HSP90AA1: variants seen among roughly 807,000 people sequenced by gnomAD.
HSP90AA1 encodes heat shock protein HSP 90-alpha.
HSP90AA1 carries 18 observed loss-of-function variants against 73.3 expected under a neutral mutation model. The observed-to-expected ratio is 0.25, with a 90% CI of 0.17 to 0.36. The LOEUF is 0.36. HSP90AA1 is among the 10% of genes least tolerant of loss of function. HSP90AA1 has a pLI of 1.00. For synonymous variants in HSP90AA1, 477 were observed against 296.9 expected (o/e 1.61, Z -6.24); for missense variants, 704 against 874.2 (o/e 0.81, Z 2.45).
chr14:102,084,329 A>C, intron 6 of HSP90AA1, 70 bp downstream of exon 6: 1 of 1,430,604 alleles, frequency 7.0e-7, no homozygotes, highest in Non-Finnish European at 9.9e-7. Flanking sequence ...TATAGGTGTG[A>C]GCCACCATGC....
At chr14:102,085,052 A>G in intron 4 of HSP90AA1, 54 bp from the exon 5 acceptor site, 1 of 1,613,140 alleles carries the variant, frequency 6.2e-7, no homozygotes, top group Non-Finnish European at 8.5e-7. Flanking sequence ...ACTAAGCGAC[A>G]GCGCTGCACC....
chr14:102,087,024 C>G lies in HSP90AA1; in HGVS notation c.-39G>C. The G allele has an allele frequency of 1.0e-6, 1 of 985,454 alleles. No homozygotes were observed. Among genetic ancestry groups the G allele is most frequent in the Non-Finnish European group, 1.2e-6 (1 of 830,142 alleles). The allele number at this position is 985,454 out of a possible 1,614,324, so 61.0% of individuals were successfully genotyped here. On this transcript the variant is annotated 5_prime_UTR_variant, in exon 1 of 11. Transcript: ENST00000216281. ...CCGCACAGGACCAACGGCACAGCCA[C>G]ACCGGGACGCTGAAGCAACTGACGC...
chr14:102,122,690 C>CA (rs903990842), intron 1 of HSP90AA1, among the ~76,000 whole-genome samples: 37 of 151,788 alleles, frequency 2.4e-4, no homozygotes, highest in African/African-American at 8.2e-4. Flanking sequence ...TTTTTTGAGA[C>CA]AGAGTCTCAC....
At chr14:102,136,583 A>AG (rs1230489805) in intron 1 of HSP90AA1, among the ~76,000 whole-genome samples, 1 of 122,908 alleles carries the variant, frequency 8.1e-6, no homozygotes, top group Non-Finnish European at 1.7e-5. Flanking sequence ...AAAAAAAAAA[A>AG]AAAAAAAGAA....
intron 8 of HSP90AA1, 111 bp from the exon 9 acceptor site, chr14:102,083,413 G>T: frequency 7.0e-7 from 1 of 1,433,402 alleles, no homozygotes; most frequent in Non-Finnish European, 9.8e-7. Flanking sequence ...GACAGAAAAT[G>T]ACCTAGTTCA....
chr14:102,096,902 C>T (rs2049432318), intron 2 of HSP90AA1, among the ~76,000 whole-genome samples: 1 of 152,130 alleles, frequency 6.6e-6, no homozygotes, highest in Non-Finnish European at 1.5e-5. Flanking sequence ...GTATAGATCA[C>T]CATCATTAAT....
At position 102,082,283 on chromosome 14, in the gene HSP90AA1, G is replaced by C; in HGVS notation, c.1917C>G (p.Asp639Glu). 2 of 1,613,934 alleles carry C rather than the reference G, an allele frequency of 1.2e-6. No homozygotes were observed. The highest frequency in any genetic ancestry group is 1.7e-6 in the Non-Finnish European group (2 of 1,179,850). Residue 639 changes from aspartate (D) to glutamate (E), a missense_variant, in exon 10 of 11, where the codon GAC becomes GAG. Physicochemically the swap from Asp to Glu is conservative, Grantham distance 45 (BLOSUM62 2). Coordinates refer to ENST00000216281, the MANE Select transcript of HSP90AA1 (RefSeq NM_005348.4). ...AAKKHLEINPDHSIIETLRQK... is the reference protein window; with the variant it reads ...AAKKHLEINPEHSIIETLRQK... ...GCCTTAAGGTCTCAATAATGGAATG[G>C]TCAGGGTTTATCTCCAGGTGTTTCT...
intron 1 of HSP90AA1, among the ~76,000 whole-genome samples, chr14:102,124,255 G>A (rs141274885): frequency 0.013 from 1,770 of 134,722 alleles, 39 homozygotes; most frequent in African/African-American, 0.046. Context: ...ACAATGGCAC[G>A]ATCTGGGCTC....
intron 2 of HSP90AA1, among the ~76,000 whole-genome samples, chr14:102,097,019 G>T (rs367656037): frequency 6.6e-6 from 1 of 151,692 alleles, no homozygotes; most frequent in African/African-American, 2.4e-5. Flanking sequence ...ACACAGTCTC[G>T]CTCTGTCGCC....
At chr14:102,119,243 G>A (rs1405829976) in intron 1 of HSP90AA1, among the ~76,000 whole-genome samples, 1 of 152,100 alleles carries the variant, frequency 6.6e-6, no homozygotes, top group Non-Finnish European at 1.5e-5. Flanking sequence ...GTAATTTAAT[G>A]AAATCACATA....
At chr14:102,107,282 CT>C (rs1373737514) in intron 1 of HSP90AA1, among the ~76,000 whole-genome samples, 1 of 151,860 alleles carries the variant, frequency 6.6e-6, no homozygotes, top group East Asian at 1.9e-4. Flanking sequence ...TCCCTGTTTC[CT>C]ACATCTCATG....
intron 1 of HSP90AA1, among the ~76,000 whole-genome samples, chr14:102,137,842 C>T (rs1368675706): frequency 2.0e-5 from 3 of 151,416 alleles, no homozygotes; most frequent in African/African-American, 7.3e-5. Flanking sequence ...TGGTGAAACC[C>T]CATCTCTACT....
chr14:102,088,421 T>C (rs974644079), upstream of HSP90AA1, among the ~76,000 whole-genome samples: 5 of 152,154 alleles, frequency 3.3e-5, no homozygotes, highest in Non-Finnish European at 5.9e-5. Flanking sequence ...CGCTTCCTGG[T>C]CTTTAGGGAA....
At chr14:102,139,415 C>G (rs1328788835) in exon 1 of HSP90AA1, 4 of 1,542,318 alleles carry the variant, frequency 2.6e-6, no homozygotes, top group South Asian at 2.4e-5. Context: ...CCGCGCTCCC[C>G]GTAGGGTACC....
Position 102,082,462 on chromosome 14 carries a change from T to C in HSP90AA1, c.1756-18A>G. On this transcript the variant is annotated intron_variant, in intron 9 of 10. Transcript: ENST00000216281. ...ACAACCACCTGTAATCAAAAAGTGA[T>C]GACTAGGAACCTAGAAAGATTAATT... The C allele has an allele frequency of 5.0e-6, 8 of 1,587,704 alleles. No homozygotes were observed. Among genetic ancestry groups the C allele is most frequent in the East Asian group, 2.2e-5 (1 of 44,784 alleles).
chr14:102,127,289 CTGT>C (rs1305404897), intron 1 of HSP90AA1, among the ~76,000 whole-genome samples: 2 of 152,122 alleles, frequency 1.3e-5, no homozygotes, highest in Non-Finnish European at 2.9e-5. Context: ...CTTGGATAAG[CTGT>C]TGTTTTACTT....
intron 1 of HSP90AA1, among the ~76,000 whole-genome samples, chr14:102,105,934 G>T (rs2049562238): frequency 6.6e-6 from 1 of 152,126 alleles, no homozygotes; most frequent in African/African-American, 2.4e-5. Flanking sequence ...GCCGGGTGTG[G>T]TGGTATGCAC....
At chr14:102,139,509 C>A (rs993057549) in exon 1 of HSP90AA1, 3 of 1,241,254 alleles carry the variant, frequency 2.4e-6, no homozygotes, top group African/African-American at 3.0e-5. Context: ...CAGGGCAGGG[C>A]GGGAGACCGC....
chr14:102,104,334 C>T (rs955925237), intron 1 of HSP90AA1, among the ~76,000 whole-genome samples: 21 of 152,128 alleles, frequency 1.4e-4, no homozygotes, highest in African/African-American at 4.1e-4. Flanking sequence ...CTCAGCCTCC[C>T]GAGTAGCTGG....
Sources: allele counts gnomAD v4.1 joint callset (sites outside exome capture counted in the v4.1 genomes callset), GRCh38; gene constraint gnomAD v4.1.1; transcripts MANE v1.5; gene names NCBI Gene and HGNC (gene_info 2026-07-23, HGNC 2026-07-21).